The following GREM2 variants were observed in gnomAD, a reference collection of about 807,000 sequenced individuals.
GREM2 encodes the protein gremlin-2.
In GREM2, 11 loss-of-function variants were observed where a neutral mutation model predicts 14.2. The observed-to-expected ratio is 0.78, with a 90% CI of 0.49 to 1.28. GREM2 has a LOEUF of 1.28. Among genes scored for constraint, GREM2 ranks in the 50% most tolerant of loss-of-function variants. GREM2 has a pLI of 0.00. For missense variants in GREM2, 210 were observed against 218.5 expected (o/e 0.96, Z 0.24); for synonymous variants, 98 against 97.6 (o/e 1.00, Z -0.02).
Position 240,570,334 on chromosome 1 carries a change from T to C in GREM2, c.-2+41550A>G, listed in dbSNP as rs567810190. The stretch of plus-strand genomic sequence containing the variant: ...AAAATTAGCCAGGCATGGTGGCGCG[T>C]GCCTGTAGTCCCAGCTACTCGGGGG... On this transcript the variant is annotated intron_variant, in intron 1 of 1. Transcript: ENST00000318160. 3.5e-3 allele frequency among the ~76,000 whole-genome samples: 531 copies of C among 152,140 alleles called. 7 individuals are homozygous for C. Among genetic ancestry groups the C allele is most frequent in the Middle Eastern group, 0.02 (6 of 294 alleles).
intron 1 of GREM2, among the ~76,000 whole-genome samples, chr1:240,547,144 T>C (rs1244159585): frequency 1.3e-5 from 2 of 152,110 alleles, no homozygotes; most frequent in East Asian, 3.9e-4. Flanking sequence ...CTTTGGAATC[T>C]TGAATGCACA....
At chr1:240,503,344 T>G (rs16840259) in intron 1 of GREM2, among the ~76,000 whole-genome samples, 28,423 of 152,152 alleles carry the variant, frequency 0.19, 3,200 homozygotes, top group East Asian at 0.47. Flanking sequence ...CACTTTGGTT[T>G]AGATCCTCAT....
chr1:240,560,083 C>G (rs1343446679), intron 1 of GREM2, among the ~76,000 whole-genome samples: 1 of 152,124 alleles, frequency 6.6e-6, no homozygotes, highest in Non-Finnish European at 1.5e-5. Flanking sequence ...TCCAAGAGTT[C>G]AAGACCAGCC....
intron 1 of GREM2, among the ~76,000 whole-genome samples, chr1:240,505,777 G>A (rs915761349): frequency 1.5e-4 from 23 of 151,660 alleles, no homozygotes; most frequent in African/African-American, 4.8e-4. Context: ...ATGGTGAAAA[G>A]CCTTTTATAT....
At chr1:240,584,465 A>G (rs1388326991) in intron 1 of GREM2, among the ~76,000 whole-genome samples, 4 of 149,476 alleles carry the variant, frequency 2.7e-5, no homozygotes, top group Admixed American at 1.3e-4. Flanking sequence ...ACTGGACTCC[A>G]GCCTGGGTGA....
intron 1 of GREM2, among the ~76,000 whole-genome samples, chr1:240,531,275 T>C (rs1678352747): frequency 6.6e-6 from 1 of 152,210 alleles, no homozygotes. Context: ...TCTATTTATA[T>C]GGATTTTCTT....
At chr1:240,582,857 A>T (rs946978812) in intron 1 of GREM2, among the ~76,000 whole-genome samples, 4 of 151,242 alleles carry the variant, frequency 2.6e-5, no homozygotes, top group African/African-American at 9.8e-5. Flanking sequence ...AAGGAACAAA[A>T]TTTTTTTAAA....
At chr1:240,562,760 T>C (rs903144465) in intron 1 of GREM2, among the ~76,000 whole-genome samples, 17 of 151,956 alleles carry the variant, frequency 1.1e-4, no homozygotes, top group African/African-American at 3.9e-4. Context: ...CATATGTGTG[T>C]ATGTATATGT....
intron 1 of GREM2, among the ~76,000 whole-genome samples, chr1:240,494,858 G>A (rs961125406): frequency 1.3e-5 from 2 of 152,046 alleles, no homozygotes; most frequent in South Asian, 2.1e-4. Flanking sequence ...CCGAGATGGC[G>A]TCACTGTATT....
At chr1:240,572,556 A>C (rs904271388) in intron 1 of GREM2, among the ~76,000 whole-genome samples, 8 of 152,176 alleles carry the variant, frequency 5.3e-5, no homozygotes, top group African/African-American at 1.9e-4. Flanking sequence ...CCCTGTAACT[A>C]GTCCATTTTG....
At chr1:240,590,934 T>A (rs187185342) in intron 1 of GREM2, among the ~76,000 whole-genome samples, 60 of 151,942 alleles carry the variant, frequency 3.9e-4, no homozygotes, top group Non-Finnish European at 7.2e-4. Context: ...GGCACGCGCC[T>A]CCATGCCCGG....
chr1:240,552,636 T>C (rs927283003), intron 1 of GREM2, among the ~76,000 whole-genome samples: 1 of 152,200 alleles, frequency 6.6e-6, no homozygotes, highest in Non-Finnish European at 1.5e-5. Flanking sequence ...AGAAAAGCTT[T>C]AGGGCAGGTG....
At chr1:240,500,892 A>G (rs992649406) in intron 1 of GREM2, among the ~76,000 whole-genome samples, 1 of 149,812 alleles carries the variant, frequency 6.7e-6, no homozygotes, top group Non-Finnish European at 1.5e-5. Context: ...GCTGGGTCAC[A>G]GGATATGTAC....
intron 1 of GREM2, among the ~76,000 whole-genome samples, chr1:240,551,860 A>G (rs1678860978): frequency 6.6e-6 from 1 of 152,184 alleles, no homozygotes. Context: ...AGAAAGTCAT[A>G]GTTTCTTCAA....
At chr1:240,581,765 G>A (rs1036787493) in intron 1 of GREM2, among the ~76,000 whole-genome samples, 1 of 152,130 alleles carries the variant, frequency 6.6e-6, no homozygotes, top group Non-Finnish European at 1.5e-5. Context: ...CTGAATATGA[G>A]TTCTAAAATA....
At chr1:240,523,865 A>T (rs556050719) in intron 1 of GREM2, among the ~76,000 whole-genome samples, 2 of 152,208 alleles carry the variant, frequency 1.3e-5, no homozygotes, top group Admixed American at 1.3e-4. Context: ...GGCAGTTTGT[A>T]TGCTCAGCAA....
intron 1 of GREM2, among the ~76,000 whole-genome samples, chr1:240,585,679 G>A (rs79329713): frequency 6.3e-5 from 9 of 142,318 alleles, no homozygotes; most frequent in African/African-American, 2.1e-4. Context: ...TCAGTGAGCC[G>A]AGGTCATGCC....
chr1:240,608,940 A>G (rs1479392360), intron 1 of GREM2, among the ~76,000 whole-genome samples: 1 of 152,128 alleles, frequency 6.6e-6, no homozygotes. Flanking sequence ...CCTGGCCTGT[A>G]TAGACAGGAG....
intron 1 of GREM2, among the ~76,000 whole-genome samples, chr1:240,531,329 C>CAACTTT (rs1678353455): frequency 6.6e-6 from 1 of 152,096 alleles, no homozygotes; most frequent in African/African-American, 2.4e-5. Flanking sequence ...GATATTATTA[C>CAACTTT]AACTTTAAAT....
Sources: gnomAD v4.1 joint callset for allele counts (sites outside exome capture counted in the v4.1 genomes callset) on GRCh38, gnomAD v4.1.1 for gene constraint, MANE v1.5 for transcripts, NCBI Gene and HGNC (gene_info 2026-07-23, HGNC 2026-07-21) for gene names.